Variants in INF2 observed in about 807,000 individuals in gnomAD.
INF2 encodes inverted formin-2.
A neutral mutation model predicts 123.5 loss-of-function variants in INF2; 43 were observed. The observed-to-expected ratio is 0.35, with a 90% CI of 0.27 to 0.45. The LOEUF is 0.45. Ranked by LOEUF, INF2 falls within the 20% of genes least tolerant of loss-of-function variation. The pLI is 1.00. For missense variants in INF2, 1,453 were observed against 1,682.7 expected (o/e 0.86, Z 2.39); for synonymous variants, 851 against 745.0 (o/e 1.14, Z -2.32).
chr14:104,691,445 C>A (rs1253611845), intron 1 of INF2, among the ~76,000 whole-genome samples: 1 of 152,164 alleles, frequency 6.6e-6, no homozygotes, highest in Non-Finnish European at 1.5e-5. Context: ...TCCCTGTAGT[C>A]AGGAATGAGA....
intron 5 of INF2, chr14:104,704,434 C>T (rs151241701): frequency 1.2e-4 from 25 of 213,864 alleles, no homozygotes; most frequent in African/African-American, 2.9e-4. Flanking sequence ...GGCTGCGGAC[C>T]GGTACCTGGC....
upstream of INF2, among the ~76,000 whole-genome samples, chr14:104,686,725 G>A (rs1888673659): frequency 6.6e-6 from 1 of 152,220 alleles, no homozygotes; most frequent in Admixed American, 6.5e-5. Context: ...GTGGACCCCA[G>A]GAAGCCCTTC....
chr14:104,713,166 G>T, intron 18 of INF2, 41 bp from the exon 19 acceptor site: 1 of 1,576,564 alleles, frequency 6.3e-7, no homozygotes, highest in South Asian at 1.1e-5. Context: ...GCCCCTGAGG[G>T]ATGCCACGCT....
chr14:104,695,615 G>A (rs565937975), intron 1 of INF2, among the ~76,000 whole-genome samples: 7 of 110,200 alleles, frequency 6.4e-5, no homozygotes, highest in South Asian at 2.7e-4. Context: ...CCAGTGAGCC[G>A]GGGCATTTCC....
At position 104,701,737 on chromosome 14, in the gene INF2, C is replaced by T. The variant is rs368077298; in HGVS notation, c.372C>T (p.Tyr124=). 1.4e-5 allele frequency: 21 copies of T among 1,520,436 alleles called. No homozygotes were observed. In the East Asian group the frequency reaches 2.9e-4, roughly 21 times the overall value. 94.2% of individuals were successfully genotyped at this position (1,520,436 alleles called of 1,614,324 possible). ...GIEYILSNQG[Y]VRQLSQALDT... ...AGTACATCCTCAGCAACCAGGGCTA[C>T]GTGCGCCAGCTCTCCCAGGGTGAGC... The change falls in exon 2 of 23, where the codon TAC becomes TAT. Residue 124 remains tyrosine (Y), a synonymous_variant. Coordinates refer to ENST00000392634, the MANE Select transcript of INF2 (RefSeq NM_022489.4).
Position 104,715,326 on chromosome 14 carries a change from G to C in INF2, c.3737G>C (p.Cys1246Ser), listed in dbSNP as rs555680535. 5.0e-6 allele frequency: 8 copies of C among 1,613,572 alleles called. No individual in the cohort carries two copies. The East Asian group carries it at 1.6e-4, about 31-fold the overall frequency. ...DSDDNKTKKLCVIQ is the reference protein window; with the variant it reads ...DSDDNKTKKLSVIQ ...GATGATAATAAAACAAAGAAACTGT[G>C]TGTGATCCAGTAAGGTATGTACGCA... Residue 1246 changes from cysteine to serine, a missense_variant, in exon 22 of 23, where the codon TGT becomes TCT. Coordinates refer to ENST00000392634, the MANE Select transcript of INF2 (RefSeq NM_022489.4).
In INF2 at chr14:104,712,944, G is replaced by A. The variant is rs1221995675; in HGVS notation, c.2727G>A (p.Thr909=). The A allele has an allele frequency of 8.1e-6, 13 of 1,612,692 alleles. No individual in the cohort carries two copies. Among genetic ancestry groups the A allele is most frequent in the Admixed American group, 1.7e-5 (1 of 60,026 alleles). Residue 909 remains threonine, a synonymous_variant, in exon 18 of 23, where the codon ACG becomes ACA. Coordinates refer to ENST00000392634, the MANE Select transcript of INF2 (RefSeq NM_022489.4). The part of the protein sequence containing the change: ...EDAQQLSLED[T]FSTMKAFRDL... ...CCCAGCAGCTGTCCCTGGAGGACAC[G>A]TTCAGCACCATGAAGGCTTTCCGGG...
chr14:104,693,893 T>A (rs973956282), intron 1 of INF2, among the ~76,000 whole-genome samples: 12 of 152,190 alleles, frequency 7.9e-5, no homozygotes, highest in African/African-American at 2.7e-4. Context: ...GCTCAGACTG[T>A]CGCCTGCACC....
upstream of INF2, chr14:104,689,289 G>A: frequency 1.0e-6 from 1 of 982,274 alleles, no homozygotes; most frequent in Non-Finnish European, 1.2e-6. Context: ...GGATAGGGGT[G>A]TAGGTGGACG....
intron 1 of INF2, among the ~76,000 whole-genome samples, chr14:104,682,200 G>A (rs149729623): frequency 4.7e-4 from 72 of 152,286 alleles, no homozygotes; most frequent in Middle Eastern, 3.4e-3. Flanking sequence ...ACGCTGTGCC[G>A]GGCGCTCAGG....
rs369698920 is a variant in INF2 at position 104,712,546 on chromosome 14, G to A, written c.2603G>A (p.Arg868His). The change falls in exon 17 of 23, where the codon CGC becomes CAC. Residue 868 changes from arginine to histidine, a missense_variant. Arg to His is a conservative substitution (Grantham distance 29). Coordinates refer to ENST00000392634, the MANE Select transcript of INF2 (RefSeq NM_022489.4). ...GAGGTCCAGGAGCAGTACACCGAGCGCCTCCAGGCAAGTGGGCACCTGGGC... is the reference window on the plus strand; with the variant it reads ...GAGGTCCAGGAGCAGTACACCGAGCACCTCCAGGCAAGTGGGCACCTGGGC... Reference protein sequence around the residue: ...VAEVQEQYTERLQASISAFRA... With the variant: ...VAEVQEQYTEHLQASISAFRA... 7.4e-6 allele frequency: 12 copies of A among 1,612,486 alleles called. No individual in the cohort carries two copies. Among genetic ancestry groups the A allele is most frequent in the Admixed American group, 3.3e-5 (2 of 60,000 alleles).
In INF2 at chr14:104,701,613, G is replaced by A. The variant is rs1482020773; in HGVS notation, c.248G>A (p.Arg83Gln). The A allele has an allele frequency of 3.1e-6, 5 of 1,604,076 alleles. No individual in the cohort carries two copies. Among genetic ancestry groups the A allele is most frequent in the Admixed American group, 1.7e-5 (1 of 59,704 alleles). Residue 83 changes from arginine to glutamine, a missense_variant, in exon 2 of 23, where the codon CGG (arginine) becomes CAG (glutamine). Transcript: ENST00000392634. ...GLDLLLEALA[R>Q]LSGRGVARIS... is the part of the protein sequence containing the mutation. ...GACCTGCTGCTGGAGGCGCTGGCGC[G>A]GCTGTCGGGCCGCGGCGTTGCACGT...
rs1357051169 is a variant in INF2, at chr14:104,719,744, T to C, written c.*951T>C. 1 of 151,162 alleles carries C rather than the reference T, an allele frequency of 6.6e-6. No individual in the cohort carries two copies. The highest frequency in any genetic ancestry group is 6.6e-5 in the Admixed American group (1 of 15,242). The allele number at this position is 151,162 out of a possible 1,614,324, so 9.4% of individuals were successfully genotyped here. ...CCCCAGGCCCCGTGTGAACACTCACTGTTGAGGGGTCCCTGGGCCCCCAGG... is the reference window on the plus strand; with the variant it reads ...CCCCAGGCCCCGTGTGAACACTCACCGTTGAGGGGTCCCTGGGCCCCCAGG... On this transcript the variant is annotated 3_prime_UTR_variant, in exon 23 of 23. Transcript: ENST00000392634.
chr14:104,708,828 A>C (rs1323200660), intron 10 of INF2, 96 bp downstream of exon 10: 1 of 1,260,064 alleles, frequency 7.9e-7, no homozygotes, highest in East Asian at 2.3e-5. Flanking sequence ...GCAGGCCGCC[A>C]TGGGAAGTGC....
At chr14:104,717,381 C>T (rs963743960) in intron 22 of INF2, among the ~76,000 whole-genome samples, 1 of 152,106 alleles carries the variant, frequency 6.6e-6, no homozygotes, top group Non-Finnish European at 1.5e-5. Flanking sequence ...CCCCCCCGGG[C>T]AGGGTCCGCT....
Position 104,712,950 on chromosome 14 carries a change from C to T in INF2, c.2733C>T (p.Ser911=). 1 of 1,612,694 alleles carries T rather than the reference C, an allele frequency of 6.2e-7. No individual in the cohort carries two copies. The highest frequency in any genetic ancestry group is 8.5e-7 in the Non-Finnish European group (1 of 1,179,816). The part of the protein sequence containing the change: ...AQQLSLEDTF[S]TMKAFRDLFL... Reference sequence around the variant, plus strand: ...AGCTGTCCCTGGAGGACACGTTCAGCACCATGAAGGCTTTCCGGGACCTTT... The same window carrying T: ...AGCTGTCCCTGGAGGACACGTTCAGTACCATGAAGGCTTTCCGGGACCTTT... Residue 911 remains serine (S), a synonymous_variant, in exon 18 of 23, where the codon AGC becomes AGT. Coordinates refer to ENST00000392634, the MANE Select transcript of INF2 (RefSeq NM_022489.4).
At chr14:104,715,199 C>T (rs1890239586) in intron 21 of INF2, 85 bp from the exon 22 acceptor site, 7 of 1,347,968 alleles carry the variant, frequency 5.2e-6, no homozygotes, top group Non-Finnish European at 7.4e-6. Flanking sequence ...CATGGCTGTC[C>T]CGGGCCCCCC....
In INF2 at chr14:104,691,105, C is replaced by T. The variant is rs549713542; in HGVS notation, c.-10+1366C>T. ...AAGTGGCCAGGTGCGACTGTAGCCT[C>T]CACAGCCAGGGCTCCTGAGTTAACC... On this transcript the variant is annotated intron_variant, in intron 1 of 22. Transcript: ENST00000392634. 7 of 152,408 alleles carry T rather than the reference C, an allele frequency of 4.6e-5. No homozygotes were observed. The South Asian group carries it at 1.0e-3, about 23-fold the overall frequency. 9.4% of individuals were successfully genotyped at this position (152,408 alleles called of 1,614,324 possible).
At position 104,693,295 on chromosome 14, in the gene INF2, T is replaced by C. The variant is rs79573157; in HGVS notation, c.-10+3556T>C. ...GTGGGGGAGAGGGAGTGGGGTGGAT[T>C]GGAGGGCTGTCCTACTGTTACAGGG... On this transcript the variant is annotated intron_variant, in intron 1 of 22. Transcript: ENST00000392634. Among the ~76,000 whole-genome samples the C allele has an allele frequency of 5.0e-3, 763 of 152,212 alleles. 8 individuals carry two copies. The highest frequency in any genetic ancestry group is 0.02 in the Middle Eastern group (6 of 294).
Sources: gnomAD v4.1 joint callset for allele counts (sites outside exome capture counted in the v4.1 genomes callset) on GRCh38, gnomAD v4.1.1 for gene constraint, MANE v1.5 for transcripts, NCBI Gene and HGNC (gene_info 2026-07-23, HGNC 2026-07-21) for gene names.